The following NKD1 variants were observed in gnomAD, a reference collection of about 807,000 sequenced individuals.
NKD1 encodes NKD inhibitor of Wnt signaling pathway 1.
A neutral mutation model predicts 56.0 loss-of-function variants in NKD1; 21 were observed. That is an observed-to-expected ratio of 0.38 (90% confidence interval 0.27 to 0.54). The LOEUF is 0.54. Among genes scored for constraint, NKD1 ranks in the 20% least tolerant of loss-of-function variants. The probability of loss-of-function intolerance (pLI) is 0.82; values close to 1 mark genes in which losing one functional copy is unlikely to be tolerated. For missense variants in NKD1, 578 were observed against 642.7 expected, an observed-to-expected ratio of 0.90 and a Z score of 1.09; for synonymous variants, 263 against 265.7, an observed-to-expected ratio of 0.99 and a Z score of 0.10.
intron 3 of NKD1, among the ~76,000 whole-genome samples, chr16:50,571,964 G>C (rs1035794524): frequency 6.6e-6 from 1 of 151,996 alleles, no homozygotes; most frequent in Admixed American, 6.6e-5. Flanking sequence ...CGTCCCAGCC[G>C]CCCTGCTCCC....
rs544473892 is a variant in NKD1, at chr16:50,555,486, G to A, written c.192+5931G>A. The A allele has an allele frequency of 1.3e-3, 201 of 152,804 alleles. 1 individual carries two copies. Among genetic ancestry groups the A allele is most frequent in the Non-Finnish European group, 2.6e-3 (180 of 68,356 alleles). 9.5% of individuals were successfully genotyped at this position (152,804 alleles called of 1,614,324 possible). ...GCCTGTTGGGGTTGGTGGCCCTGCTGTTGTGTTGGGGGAGGAGGTCAGCTG... is the reference window on the plus strand; with the variant it reads ...GCCTGTTGGGGTTGGTGGCCCTGCTATTGTGTTGGGGGAGGAGGTCAGCTG... On this transcript the variant is annotated intron_variant, in intron 3 of 9. Transcript: ENST00000268459.
Position 50,646,379 on chromosome 16 carries a change from GGA to G in NKD1, c.*12605_*12606del, listed in dbSNP as rs1491181443. 104 of 148,536 alleles carry G rather than the reference GGA, an allele frequency of 7.0e-4. 6 individuals carry two copies. Among genetic ancestry groups the G allele is most frequent in the Admixed American group, 6.7e-5 (1 of 14,872 alleles). 9.2% of individuals were successfully genotyped at this position (148,536 alleles called of 1,614,324 possible). A position where few individuals can be genotyped will look rare whatever the true frequency, so the allele number is the denominator to read the frequency against. Reference sequence around the variant, plus strand: ...GACGAGGAAGAAAAAGAGGGGGGGGGGAGAGAGAACGAAGGCTAACTGATGCC... The same window carrying G: ...GACGAGGAAGAAAAAGAGGGGGGGGGGAGAGAACGAAGGCTAACTGATGCC... On this transcript the variant is annotated 3_prime_UTR_variant, in exon 10 of 10. Coordinates refer to ENST00000268459, the MANE Select transcript of NKD1 (RefSeq NM_033119.5).
intron 3 of NKD1, among the ~76,000 whole-genome samples, chr16:50,597,359 T>G (rs1596730144): frequency 6.6e-6 from 1 of 152,206 alleles, no homozygotes; most frequent in East Asian, 1.9e-4. Context: ...AGGTGCCTGT[T>G]GAGCAACTTG....
chr16:50,646,335 C>T lies in NKD1; in HGVS notation c.*12554C>T, dbSNP rs1463809118. The T allele has an allele frequency of 1.5e-5, 2 of 136,062 alleles. No homozygotes were observed. Among genetic ancestry groups the T allele is most frequent in the African/African-American group, 5.6e-5 (2 of 35,460 alleles). 8.4% of individuals were successfully genotyped at this position (136,062 alleles called of 1,614,324 possible). A position where few individuals can be genotyped will look rare whatever the true frequency, so the allele number is the denominator to read the frequency against. On this transcript the variant is annotated 3_prime_UTR_variant, in exon 10 of 10. Coordinates refer to ENST00000268459, the MANE Select transcript of NKD1 (RefSeq NM_033119.5). ...TTGCTGAAATATGAGATTTTCCCTA[C>T]AAAGAGGTTTCCAAAAAAGACGAGG...
In NKD1 at chr16:50,644,160, G is replaced by A. The variant is rs373557103; in HGVS notation, c.*10379G>A. The A allele has an allele frequency of 1.8e-4, 27 of 152,352 alleles. No homozygotes were observed. The East Asian group carries it at 4.4e-3, about 25-fold the overall frequency. 9.4% of individuals were successfully genotyped at this position (152,352 alleles called of 1,614,324 possible). Reference sequence around the variant, plus strand: ...GAATGCACCATGAGTATTGATTTTGGGTGATAGACAAATTTTAGTGAATAG... The same window carrying A: ...GAATGCACCATGAGTATTGATTTTGAGTGATAGACAAATTTTAGTGAATAG... On this transcript the variant is annotated 3_prime_UTR_variant, in exon 10 of 10. Transcript: ENST00000268459.
intron 3 of NKD1, among the ~76,000 whole-genome samples, chr16:50,564,151 T>A (rs1268744647): frequency 6.6e-6 from 1 of 152,262 alleles, no homozygotes; most frequent in African/African-American, 2.4e-5. Context: ...ATAGCTGTGT[T>A]CAGGCTTGGT....
chr16:50,550,691 G>C (rs1960363269), intron 3 of NKD1, among the ~76,000 whole-genome samples: 1 of 152,054 alleles, frequency 6.6e-6, no homozygotes, highest in Non-Finnish European at 1.5e-5. Context: ...ATCTTGGTGG[G>C]CGGGGGGCAC....
chr16:50,630,954 G>C (rs1195918826), intron 8 of NKD1, 44 bp downstream of exon 8: 1 of 1,462,260 alleles, frequency 6.8e-7, no homozygotes, highest in Non-Finnish European at 9.3e-7. Context: ...AGCACCAGCT[G>C]TGTACCTGCT....
At chr16:50,586,725 G>A (rs1349566236) in intron 3 of NKD1, among the ~76,000 whole-genome samples, 1 of 152,182 alleles carries the variant, frequency 6.6e-6, no homozygotes, top group East Asian at 1.9e-4. Context: ...TTGTGAAATG[G>A]GAATCCTCTT....
At chr16:50,602,738 G>A (rs572035389) in intron 3 of NKD1, among the ~76,000 whole-genome samples, 2 of 152,346 alleles carry the variant, frequency 1.3e-5, no homozygotes, top group East Asian at 1.9e-4. Flanking sequence ...CACAGTCTGC[G>A]TGTCTTCCTG....
At position 50,640,751 on chromosome 16, in the gene NKD1, C is replaced by A. The variant is rs543542450; in HGVS notation, c.*6970C>A. 1.3e-5 allele frequency: 2 copies of A among 152,080 alleles called. No individual in the cohort carries two copies. The highest frequency in any genetic ancestry group is 3.9e-4 in the East Asian group (2 of 5,166). 9.4% of individuals were successfully genotyped at this position (152,080 alleles called of 1,614,324 possible). On this transcript the variant is annotated 3_prime_UTR_variant, in exon 10 of 10. Transcript: ENST00000268459. ...GTCTGGGAAAGCAACACATCATCGC[C>A]AACTTTTAATTTTGCTAAATAAGGA...
Position 50,607,906 on chromosome 16 carries a change from G to A in NKD1, c.193-388G>A, listed in dbSNP as rs527394301. 7 of 200,148 alleles carry A rather than the reference G, an allele frequency of 3.5e-5. No individual in the cohort carries two copies. The South Asian group carries it at 4.2e-4, about 12-fold the overall frequency. The allele number at this position is 200,148 out of a possible 1,614,324, so 12.4% of individuals were successfully genotyped here. A position where few individuals can be genotyped will look rare whatever the true frequency, so the allele number is the denominator to read the frequency against. On this transcript the variant is annotated intron_variant, in intron 3 of 9. Coordinates refer to ENST00000268459, the MANE Select transcript of NKD1 (RefSeq NM_033119.5). Reference sequence around the variant, plus strand: ...CCTGTGGACCAGCAACACTCCCCTCGCTAACTTGACATCTCCTGGTCAGGT... The same window carrying A: ...CCTGTGGACCAGCAACACTCCCCTCACTAACTTGACATCTCCTGGTCAGGT...
At position 50,548,482 on chromosome 16, in the gene NKD1, A is replaced by G; in HGVS notation, c.-72A>G. On this transcript the variant is annotated 5_prime_UTR_variant, in exon 1 of 10. Coordinates refer to ENST00000268459, the MANE Select transcript of NKD1 (RefSeq NM_033119.5). ...TCGGGGGCTGCTTCGGGAGGAGGAG[A>G]GCCAAGGGAGGCGCCAGGCCCGCGG... The G allele has an allele frequency of 2.5e-6, 3 of 1,191,802 alleles. No individual in the cohort carries two copies. The highest frequency in any genetic ancestry group is 2.2e-6 in the Non-Finnish European group (2 of 922,776). 73.8% of individuals were successfully genotyped at this position (1,191,802 alleles called of 1,614,324 possible). A position where few individuals can be genotyped will look rare whatever the true frequency, so the allele number is the denominator to read the frequency against.
chr16:50,626,067 C>T (rs967133627), intron 6 of NKD1, among the ~76,000 whole-genome samples: 5 of 152,230 alleles, frequency 3.3e-5, no homozygotes, highest in African/African-American at 4.8e-5. Flanking sequence ...TGAGCACCTC[C>T]AGTGCTAAGG....
At position 50,598,271 on chromosome 16, in the gene NKD1, A is replaced by C. The variant is rs1024745846; in HGVS notation, c.193-10023A>C. 8.9e-5 allele frequency among the ~76,000 whole-genome samples: 12 copies of C among 135,164 alleles called. No homozygotes were observed. The highest frequency in any genetic ancestry group is 1.8e-4 in the Non-Finnish European group (12 of 65,450). 88.7% of individuals were successfully genotyped at this position (135,164 alleles called of 152,430 possible). ...TGTGTGTGTGTGTGTGTGCGCGCAC[A>C]CCTGTGCTCATGGACACTCTTGTCC... On this transcript the variant is annotated intron_variant, in intron 3 of 9. Coordinates refer to ENST00000268459, the MANE Select transcript of NKD1 (RefSeq NM_033119.5). This position sits in a 1 kb window ranked among gnomAD's most constrained non-coding sequence, Gnocchi z 4.2.
rs1962493824 is a variant in NKD1, at chr16:50,637,497, G to GGCAGAGATT, written c.*3721_*3729dup. On this transcript the variant is annotated 3_prime_UTR_variant, in exon 10 of 10. Coordinates refer to ENST00000268459, the MANE Select transcript of NKD1 (RefSeq NM_033119.5). ...GCACGAGAATCGCTTGAACCTGGGA[G>GGCAGAGATT]GCAGAGATTGCAGTGAGCTAAGATT... The GGCAGAGATT allele has an allele frequency of 6.6e-6, 1 of 152,210 alleles. No homozygotes were observed. The highest frequency in any genetic ancestry group is 6.5e-5 in the Admixed American group (1 of 15,274). The allele number at this position is 152,210 out of a possible 1,614,324, so 9.4% of individuals were successfully genotyped here. A position where few individuals can be genotyped will look rare whatever the true frequency, so the allele number is the denominator to read the frequency against.
chr16:50,592,421 A>G (rs1359870384), intron 3 of NKD1, among the ~76,000 whole-genome samples: 1 of 152,198 alleles, frequency 6.6e-6, no homozygotes, highest in Admixed American at 6.5e-5. Context: ...GGATGGTTTT[A>G]TCGATGCACA....
rs570585869 is a variant in NKD1, at chr16:50,632,371, C to T, written c.786C>T (p.Leu262=). The part of the protein sequence containing the change: ...NIERRNHYLD[L]AGIENYTSQF... Reference sequence around the variant, plus strand: ...AGAGGAGAAACCACTACTTAGATCTCGCCGGGATAGAAAACTACACGTCCC... The same window carrying T: ...AGAGGAGAAACCACTACTTAGATCTTGCCGGGATAGAAAACTACACGTCCC... Residue 262 remains leucine, a synonymous_variant, in exon 9 of 10, where the codon CTC becomes CTT. Coordinates refer to ENST00000268459, the MANE Select transcript of NKD1 (RefSeq NM_033119.5). The surrounding 1 kb of genome is among the most constrained non-coding windows in gnomAD (Gnocchi z 4.1). The T allele has an allele frequency of 3.9e-5, 63 of 1,613,980 alleles. 1 individual carries two copies. Among genetic ancestry groups the T allele is most frequent in the Admixed American group, 1.2e-4 (7 of 59,994 alleles).
intron 6 of NKD1, among the ~76,000 whole-genome samples, chr16:50,627,175 T>A (rs368567524): frequency 1.3e-5 from 2 of 152,204 alleles, no homozygotes; most frequent in East Asian, 3.9e-4. Flanking sequence ...GATTGGCTCA[T>A]GTAACTGAAA....
Sources: allele counts gnomAD v4.1 joint callset (sites outside exome capture counted in the v4.1 genomes callset), GRCh38; gene constraint gnomAD v4.1.1; non-coding constraint Gnocchi (gnomAD v3.1); transcripts MANE v1.5; gene names NCBI Gene and HGNC (gene_info 2026-07-23, HGNC 2026-07-21).